Variants in TULP3 observed in about 807,000 individuals in gnomAD.
TULP3 encodes tubby-related protein 3.
Under a neutral mutation model 50.7 loss-of-function variants are expected in TULP3, and 38 were observed. The observed-to-expected ratio is 0.75, with a 90% CI of 0.58 to 0.98. TULP3 has a LOEUF of 0.98. Among genes scored for constraint, TULP3 ranks in the 50% least tolerant of loss-of-function variants. The pLI, the probability that TULP3 is intolerant of heterozygous loss-of-function variation, is 0.00. For missense variants in TULP3, 550 were observed against 568.0 expected (o/e 0.97, Z 0.32); for synonymous variants, 183 against 196.6 (o/e 0.93, Z 0.58).
At chr12:2,904,084 A>G (rs1305826196) in intron 1 of TULP3, among the ~76,000 whole-genome samples, 1 of 152,142 alleles carries the variant, frequency 6.6e-6, no homozygotes, top group African/African-American at 2.4e-5. Context: ...GCCTGGCCTA[A>G]TGTTAACATC....
chr12:2,937,681 T>G lies in TULP3; in HGVS notation c.975T>G (p.Ile325Met), dbSNP rs202017399. 1.9e-6 allele frequency: 3 copies of G among 1,613,268 alleles called. No individual in the cohort carries two copies. Among genetic ancestry groups the G allele is most frequent in the Non-Finnish European group, 2.5e-6 (3 of 1,179,748 alleles). ...GTCCTAGGAAAATGTCTGTGATCAT[T>G]CCTGGAATGACACTGAATCATAAGC... ...FKGPRKMSVIIPGMTLNHKQI... is the reference protein window; with the variant it reads ...FKGPRKMSVIMPGMTLNHKQI... The change falls in exon 9 of 11, where the codon ATT becomes ATG. Residue 325 changes from isoleucine (I) to methionine (M), a missense_variant. Physicochemically the swap from Ile to Met is conservative, Grantham distance 10. Transcript: ENST00000448120.
At chr12:2,894,449 C>T (rs373648612) in intron 1 of TULP3, among the ~76,000 whole-genome samples, 93 of 151,948 alleles carry the variant, frequency 6.1e-4, no homozygotes, top group Middle Eastern at 6.8e-3. Flanking sequence ...GCAGGAGAAT[C>T]GCTTGAACCA....
chr12:2,936,261 C>T (rs190390651), intron 8 of TULP3, among the ~76,000 whole-genome samples: 19 of 152,032 alleles, frequency 1.2e-4, no homozygotes, highest in Admixed American at 6.6e-4. Flanking sequence ...CAGAGCAAGA[C>T]GCCATCTCAA....
At chr12:2,893,905 A>C (rs566281666) in intron 1 of TULP3, among the ~76,000 whole-genome samples, 3 of 152,020 alleles carry the variant, frequency 2.0e-5, no homozygotes. Context: ...CAGCCTCCCA[A>C]AGTGCTGGGA....
chr12:2,920,677 T>C, intron 2 of TULP3, 86 bp from the exon 3 acceptor site: 1 of 1,487,692 alleles, frequency 6.7e-7, no homozygotes, highest in South Asian at 1.2e-5. Flanking sequence ...TTTGTGAGGA[T>C]CAGTGAAAAA....
Position 2,934,549 on chromosome 12 carries a change from T to G in TULP3, c.912T>G (p.Ala304=), listed in dbSNP as rs1327105572. The part of the protein sequence containing the change: ...VGAAHTRQEL[A]AISYETNVLG... ...CGGCCCACACCCGGCAGGAGCTGGC[T>G]GCCATCTCCTATGTGAGTGCTGCTT... Residue 304 remains alanine, a synonymous_variant, in exon 8 of 11, where the codon GCT becomes GCG. Coordinates refer to ENST00000448120, the MANE Select transcript of TULP3 (RefSeq NM_003324.5). The G allele has an allele frequency of 6.3e-7, 1 of 1,591,370 alleles. No individual in the cohort carries two copies. The highest frequency in any genetic ancestry group is 8.6e-7 in the Non-Finnish European group (1 of 1,169,508).
intron 6 of TULP3, among the ~76,000 whole-genome samples, chr12:2,931,791 G>A (rs1377164551): frequency 6.6e-6 from 1 of 152,156 alleles, no homozygotes; most frequent in Non-Finnish European, 1.5e-5. Flanking sequence ...GATACTAGGT[G>A]TTAATTCTTC....
intron 2 of TULP3, among the ~76,000 whole-genome samples, chr12:2,918,659 G>C (rs1270292522): frequency 6.6e-6 from 1 of 151,970 alleles, no homozygotes; most frequent in Non-Finnish European, 1.5e-5. Flanking sequence ...TCCCGCCTCA[G>C]CCTCCGAGTA....
chr12:2,897,818 C>T (rs1039936920), intron 1 of TULP3, among the ~76,000 whole-genome samples: 1 of 150,910 alleles, frequency 6.6e-6, no homozygotes, highest in Admixed American at 6.6e-5. Context: ...GTGGCTCATG[C>T]CTGTAATCCC....
At chr12:2,935,771 C>A (rs939355673) in intron 8 of TULP3, among the ~76,000 whole-genome samples, 21 of 150,414 alleles carry the variant, frequency 1.4e-4, no homozygotes, top group African/African-American at 5.1e-4. Context: ...CCAGGAGAGA[C>A]CAGCCTAGGC....
In TULP3 at chr12:2,918,700, C is replaced by T. The variant is rs192251005; in HGVS notation, c.94-2063C>T. Among the ~76,000 whole-genome samples the T allele has an allele frequency of 1.2e-3, 181 of 150,706 alleles. 2 individuals carry two copies. Among genetic ancestry groups the T allele is most frequent in the Admixed American group, 8.8e-3 (134 of 15,142 alleles). On this transcript the variant is annotated intron_variant, in intron 2 of 10. Transcript: ENST00000448120. ...GATTACAGGCATGCGCCGCCACATCCGGCTAATTTTTGTGTTTTTAGTAGA... is the reference window on the plus strand; with the variant it reads ...GATTACAGGCATGCGCCGCCACATCTGGCTAATTTTTGTGTTTTTAGTAGA...
intron 1 of TULP3, among the ~76,000 whole-genome samples, chr12:2,893,393 A>G (rs1603503651): frequency 2.2e-5 from 3 of 138,866 alleles, no homozygotes; most frequent in South Asian, 2.4e-4. Context: ...CAGTGGCGCC[A>G]TCTTGGCTTA....
intron 1 of TULP3, among the ~76,000 whole-genome samples, chr12:2,891,243 C>G (rs933256616): frequency 6.6e-6 from 1 of 152,134 alleles, no homozygotes. Context: ...TGCTTAGGAA[C>G]TTCTGGAGTT....
chr12:2,915,108 C>G (rs2098187891), intron 2 of TULP3, among the ~76,000 whole-genome samples: 1 of 152,072 alleles, frequency 6.6e-6, no homozygotes. Flanking sequence ...TATGCCTCAG[C>G]CTCTCGAGTA....
intron 6 of TULP3, 110 bp from the exon 7 acceptor site, chr12:2,933,308 T>C: frequency 1.5e-6 from 1 of 671,138 alleles, no homozygotes; most frequent in South Asian, 1.8e-5. Flanking sequence ...GCTTGACATA[T>C]GCTGAGGACT....
At chr12:2,925,171 C>CA (rs891081144) in intron 4 of TULP3, among the ~76,000 whole-genome samples, 74 of 137,744 alleles carry the variant, frequency 5.4e-4, no homozygotes, top group Middle Eastern at 3.7e-3. Flanking sequence ...CCGTCCGTCT[C>CA]AAAAAAAAAA....
chr12:2,891,134 G>A, intron 1 of TULP3, 146 bp downstream of exon 1: 1 of 1,005,396 alleles, frequency 9.9e-7, no homozygotes, highest in Non-Finnish European at 1.4e-6. Flanking sequence ...GCGGCGGGAG[G>A]CGACCCCCTC....
chr12:2,902,725 A>G (rs1369865075), intron 1 of TULP3, among the ~76,000 whole-genome samples: 2 of 152,196 alleles, frequency 1.3e-5, no homozygotes, highest in Non-Finnish European at 2.9e-5. Context: ...TAGACTAGCA[A>G]TGGAGAGTAA....
chr12:2,911,976 A>C (rs571272387), intron 2 of TULP3, among the ~76,000 whole-genome samples: 53 of 151,946 alleles, frequency 3.5e-4, no homozygotes, highest in Non-Finnish European at 6.6e-4. Context: ...TAAAAAAAAA[A>C]AGTGTATGAG....
Sources: allele counts gnomAD v4.1 joint callset (sites outside exome capture counted in the v4.1 genomes callset), GRCh38; gene constraint gnomAD v4.1.1; transcripts MANE v1.5; gene names NCBI Gene and HGNC (gene_info 2026-07-23, HGNC 2026-07-21).